FYN: variants seen among roughly 807,000 people sequenced by gnomAD.
FYN encodes the protein tyrosine-protein kinase Fyn.
FYN carries 10 observed loss-of-function variants against 70.2 expected under a neutral mutation model. The observed-to-expected ratio is 0.14, with a 90% CI of 0.09 to 0.24. The LOEUF (loss-of-function observed/expected upper bound fraction) is 0.24. Ranked by LOEUF, FYN falls within the 10% of genes least tolerant of loss-of-function variation. The probability of loss-of-function intolerance (pLI) is 1.00; values close to 1 mark genes in which losing one functional copy is unlikely to be tolerated. For missense variants in FYN, 319 were observed against 673.1 expected, an observed-to-expected ratio of 0.47 and a Z score of 5.82; for synonymous variants, 236 against 248.6, an observed-to-expected ratio of 0.95 and a Z score of 0.48.
chr6:111,754,310 A>G (rs188223428), intron 3 of FYN: 3 of 152,316 alleles, frequency 2.0e-5, no homozygotes, highest in African/African-American at 7.2e-5. Flanking sequence ...CATGACCCAC[A>G]GCCAACTCCC....
intron 13 of FYN, among the ~76,000 whole-genome samples, chr6:111,667,754 GAA>G (rs1444194618): frequency 6.6e-6 from 1 of 152,210 alleles, no homozygotes; most frequent in African/African-American, 2.4e-5. Flanking sequence ...TTTTATGAAA[GAA>G]GAGTGTTTGT....
intron 2 of FYN, among the ~76,000 whole-genome samples, chr6:111,792,402 A>G (rs964861454): frequency 2.6e-5 from 4 of 152,230 alleles, no homozygotes; most frequent in Non-Finnish European, 2.9e-5. Flanking sequence ...GGGAGTGTCC[A>G]CTGATAACTG....
At chr6:111,862,255 G>C (rs910684) in intron 1 of FYN, among the ~76,000 whole-genome samples, 13,007 of 152,010 alleles carry the variant, frequency 0.086, 724 homozygotes, top group East Asian at 0.27. Context: ...GATGGCAGAG[G>C]GCAAAGGAGT....
chr6:111,841,069 G>T (rs1773344258), intron 2 of FYN, among the ~76,000 whole-genome samples: 1 of 152,190 alleles, frequency 6.6e-6, no homozygotes, highest in Admixed American at 6.5e-5. Context: ...AGGGAATGAT[G>T]AATGCTACTC....
At chr6:111,853,199 A>G (rs1773733557) in intron 1 of FYN, among the ~76,000 whole-genome samples, 1 of 152,240 alleles carries the variant, frequency 6.6e-6, no homozygotes, top group Non-Finnish European at 1.5e-5. Context: ...CCACGGAATC[A>G]GAATGGTTTT....
intron 2 of FYN, among the ~76,000 whole-genome samples, chr6:111,822,629 T>C (rs1419571982): frequency 6.6e-6 from 1 of 150,856 alleles, no homozygotes; most frequent in Admixed American, 6.6e-5. Context: ...TAAAGTATTA[T>C]ATATATATAT....
chr6:111,672,635 G>C (rs2128408349), intron 13 of FYN, among the ~76,000 whole-genome samples: 1 of 152,312 alleles, frequency 6.6e-6, no homozygotes, highest in South Asian at 2.1e-4. Context: ...TTATCTATCT[G>C]ACTGTAATAT....
chr6:111,716,710 A>T (rs975375325), intron 4 of FYN, among the ~76,000 whole-genome samples: 2 of 152,130 alleles, frequency 1.3e-5, no homozygotes, highest in African/African-American at 4.8e-5. Flanking sequence ...TATAAAAAAA[A>T]TTATGAAGAA....
At chr6:111,846,406 A>G (rs6934113) in intron 2 of FYN, among the ~76,000 whole-genome samples, 183 bp downstream of exon 2, 16,345 of 152,260 alleles carry the variant, frequency 0.11, 1,422 homozygotes, top group African/African-American at 0.24. Context: ...GGTCCACCAA[A>G]GGAGGTAAGG....
chr6:111,807,551 T>C (rs1772187552), intron 2 of FYN, among the ~76,000 whole-genome samples: 1 of 152,180 alleles, frequency 6.6e-6, no homozygotes, highest in Non-Finnish European at 1.5e-5. Flanking sequence ...GACTAACACA[T>C]GGCACAAAAA....
At chr6:111,867,458 G>GGAAA (rs1359978028) in intron 1 of FYN, among the ~76,000 whole-genome samples, 10 of 70,452 alleles carry the variant, frequency 1.4e-4, no homozygotes, top group African/African-American at 5.0e-4. Context: ...TCCGTCTCGG[G>GGAAA]AAAAAAAAAA....
intron 2 of FYN, among the ~76,000 whole-genome samples, chr6:111,820,539 C>A (rs1186123272): frequency 1.3e-5 from 2 of 151,972 alleles, no homozygotes; most frequent in Non-Finnish European, 2.9e-5. Flanking sequence ...TTTACTACAG[C>A]GCTTAGGATA....
chr6:111,718,318 C>T (rs1459734918), intron 4 of FYN, among the ~76,000 whole-genome samples: 1 of 152,200 alleles, frequency 6.6e-6, no homozygotes. Context: ...TATATTAAAA[C>T]CAAATAACTC....
chr6:111,855,297 A>G (rs1773796292), intron 1 of FYN, among the ~76,000 whole-genome samples: 1 of 152,208 alleles, frequency 6.6e-6, no homozygotes, highest in South Asian at 2.1e-4. Flanking sequence ...GTAAATTGTA[A>G]AAAGCTCAAC....
intron 1 of FYN, among the ~76,000 whole-genome samples, chr6:111,855,194 A>T (rs1042560358): frequency 6.6e-6 from 1 of 152,112 alleles, no homozygotes; most frequent in East Asian, 1.9e-4. Flanking sequence ...TTCAAATAAT[A>T]TTTTTTTTCA....
chr6:111,869,958 A>C (rs549266038), intron 1 of FYN, among the ~76,000 whole-genome samples: 1 of 152,354 alleles, frequency 6.6e-6, no homozygotes, highest in East Asian at 1.9e-4. Context: ...AAAGAAAAGC[A>C]ATGACGGGTG....
intron 2 of FYN, among the ~76,000 whole-genome samples, chr6:111,810,663 G>A (rs1772294918): frequency 6.6e-6 from 1 of 152,176 alleles, no homozygotes; most frequent in Admixed American, 6.5e-5. Flanking sequence ...ATACGAGTGT[G>A]AAGCCCAGTG....
At chr6:111,797,765 T>C (rs1416738581) in intron 2 of FYN, among the ~76,000 whole-genome samples, 5 of 148,644 alleles carry the variant, frequency 3.4e-5, no homozygotes, top group African/African-American at 1.2e-4. Flanking sequence ...AATAAATACA[T>C]CTTTTTTCTT....
rs151096595 is a variant in FYN at position 111,716,184 on chromosome 6, C to T, written c.248-1741G>A. 2.7e-3 allele frequency among the ~76,000 whole-genome samples: 417 copies of T among 152,294 alleles called. 2 individuals are homozygous for T. The highest frequency in any genetic ancestry group is 9.7e-3 in the African/African-American group (403 of 41,558). On this transcript the variant is annotated intron_variant, in intron 4 of 13. Transcript: ENST00000354650. The stretch of plus-strand genomic sequence containing the variant: ...CTTTTGTGCTGGGACAGGTTGCTGG[C>T]CCTCCCTGTTTCCACAGCCCAAATC...
Sources: gnomAD v4.1 joint callset for allele counts (sites outside exome capture counted in the v4.1 genomes callset) on GRCh38, gnomAD v4.1.1 for gene constraint, MANE v1.5 for transcripts, NCBI Gene and HGNC (gene_info 2026-07-23, HGNC 2026-07-21) for gene names.